The following WSB2 variants were observed in gnomAD, a reference collection of about 807,000 sequenced individuals.
WSB2 encodes the protein WD repeat and SOCS box containing 2, also known as WD repeat and SOCS box-containing protein 2.
Under a neutral mutation model 48.8 loss-of-function variants are expected in WSB2, and 12 were observed. The ratio of observed to expected loss-of-function variants is 0.25; its 90% confidence interval spans 0.16 to 0.40. The LOEUF is 0.40. Among genes scored for constraint, WSB2 ranks in the 10% least tolerant of loss-of-function variants. The probability of loss-of-function intolerance (pLI) is 1.00; values close to 1 mark genes in which losing one functional copy is unlikely to be tolerated. For missense variants in WSB2, 317 were observed against 506.2 expected (o/e 0.63, Z 3.59); for synonymous variants, 191 against 203.1 (o/e 0.94, Z 0.51).
chr12:118,051,152 C>A (rs1225995482), intron 2 of WSB2, among the ~76,000 whole-genome samples: 1 of 151,928 alleles, frequency 6.6e-6, no homozygotes, highest in South Asian at 2.1e-4. Flanking sequence ...CTTCATACCA[C>A]TAGGATGGCT....
rs2032056050 is a variant in WSB2, at chr12:118,061,092, C to CCCCCCGGGCCGCGGGCCCTCATGCCG, written c.-70_-45dup. ...CCGCGGCAGGCGGCGGGCGCCTCAG[C>CCCCCCGGGCCGCGGGCCCTCATGCCG]CCCCCGGGCCGCGGGCCCTCATGCC... On this transcript the variant is annotated 5_prime_UTR_variant, in exon 1 of 9. In the 5' UTR this introduces an upstream ATG that the reference lacks. Coordinates refer to ENST00000315436, the MANE Select transcript of WSB2 (RefSeq NM_018639.5). The CCCCCCGGGCCGCGGGCCCTCATGCCG allele has an allele frequency of 1.0e-6, 1 of 980,486 alleles. No homozygotes were observed. The highest frequency in any genetic ancestry group is 1.2e-6 in the Non-Finnish European group (1 of 827,974). The allele number at this position is 980,486 out of a possible 1,614,324, so 60.7% of individuals were successfully genotyped here. A position where few individuals can be genotyped will look rare whatever the true frequency, so the allele number is the denominator to read the frequency against.
chr12:118,056,279 C>T (rs1291260182), intron 1 of WSB2, among the ~76,000 whole-genome samples: 5 of 152,162 alleles, frequency 3.3e-5, no homozygotes, highest in African/African-American at 1.2e-4. Context: ...TAGTTCTGAC[C>T]CTAGGCCTTT....
chr12:118,051,257 T>A (rs1429199666), intron 2 of WSB2, among the ~76,000 whole-genome samples: 1 of 152,112 alleles, frequency 6.6e-6, no homozygotes, highest in Non-Finnish European at 1.5e-5. Context: ...AGTAAAATGG[T>A]GCAGCCACTC....
intron 4 of WSB2, among the ~76,000 whole-genome samples, chr12:118,042,134 G>T (rs1033486394): frequency 6.6e-6 from 1 of 152,178 alleles, no homozygotes; most frequent in African/African-American, 2.4e-5. Flanking sequence ...TATATAGTTT[G>T]CTCGAGGCAG....
chr12:118,043,036 C>CA, intron 3 of WSB2, 64 bp from the exon 4 acceptor site: 2 of 1,613,486 alleles, frequency 1.2e-6, no homozygotes, highest in South Asian at 2.2e-5. Flanking sequence ...CTGCCACGGC[C>CA]ACACCCCTTG....
chr12:118,046,416 T>C (rs2031747009), intron 2 of WSB2, among the ~76,000 whole-genome samples: 1 of 150,282 alleles, frequency 6.7e-6, no homozygotes, highest in Admixed American at 6.7e-5. Context: ...TGAACCGAGG[T>C]TGCACCACTG....
intron 1 of WSB2, chr12:118,052,754 T>C: frequency 3.9e-6 from 2 of 510,614 alleles, no homozygotes; most frequent in Non-Finnish European, 3.5e-6. Context: ...CTATGAATAC[T>C]TGAAGGGGAG....
chr12:118,059,505 A>G (rs907406607), intron 1 of WSB2, among the ~76,000 whole-genome samples: 19 of 152,330 alleles, frequency 1.2e-4, no homozygotes, highest in African/African-American at 4.6e-4. Flanking sequence ...TTCCTTTACA[A>G]TGGGCTTTAT....
chr12:118,052,168 C>T (rs898246303), intron 2 of WSB2, 142 bp downstream of exon 2: 1 of 1,230,448 alleles, frequency 8.1e-7, no homozygotes, highest in African/African-American at 1.5e-5. Flanking sequence ...ATATACAGAA[C>T]TTGGGGCTCT....
intron 8 of WSB2, chr12:118,034,572 G>GCTCTCTCTCTCT: frequency 4.4e-6 from 2 of 453,674 alleles, no homozygotes; most frequent in African/African-American, 2.6e-5. Flanking sequence ...TGATACCAAA[G>GCTCTCTCTCTCT]CGCTCTCTCT....
intron 2 of WSB2, among the ~76,000 whole-genome samples, chr12:118,047,827 A>T (rs2031774283): frequency 6.6e-6 from 1 of 152,226 alleles, no homozygotes; most frequent in Non-Finnish European, 1.5e-5. Flanking sequence ...TAATCCTAAC[A>T]CCACCATTCT....
At chr12:118,056,331 G>A (rs2137799100) in intron 1 of WSB2, among the ~76,000 whole-genome samples, 1 of 152,192 alleles carries the variant, frequency 6.6e-6, no homozygotes, top group African/African-American at 2.4e-5. Flanking sequence ...CTCCTCGGCT[G>A]GCATCTACTC....
intron 2 of WSB2, among the ~76,000 whole-genome samples, chr12:118,046,508 G>T (rs1368890674): frequency 3.5e-4 from 53 of 151,742 alleles, no homozygotes; most frequent in Non-Finnish European, 4.4e-5. Context: ...GTCAACCTCT[G>T]GGTCTAAATC....
intron 4 of WSB2, 144 bp from the exon 5 acceptor site, chr12:118,038,532 T>A: frequency 1.6e-6 from 1 of 640,160 alleles, no homozygotes; most frequent in Non-Finnish European, 2.7e-6. Context: ...AATTTTTAAT[T>A]CAGAGTAAGA....
chr12:118,061,871 G>A (rs2032076636), upstream of WSB2, among the ~76,000 whole-genome samples: 1 of 149,346 alleles, frequency 6.7e-6, no homozygotes, highest in African/African-American at 2.5e-5. Context: ...TGGAAGGAAG[G>A]TGTAATAACC....
chr12:118,053,960 A>G (rs1349321147), intron 1 of WSB2, among the ~76,000 whole-genome samples: 1 of 152,154 alleles, frequency 6.6e-6, no homozygotes, highest in African/African-American at 2.4e-5. Context: ...TCTTATAATC[A>G]ATGACTTTTC....
At position 118,035,052 on chromosome 12, in the gene WSB2, G is replaced by A. The variant is rs1380046425; in HGVS notation, c.986C>T (p.Ala329Val). ...AAGCCCATTGGTCATAGGAGCAAAT[G>A]CAATGGGAGTTTTCAGTTCCAGGGC... ...IWALELKTPI[A>V]FAPMTNGLCC... The change falls in exon 8 of 9, where the codon GCA (alanine) becomes GTA (valine). Residue 329 changes from alanine (A) to valine (V), a missense_variant. Coordinates refer to ENST00000315436, the MANE Select transcript of WSB2 (RefSeq NM_018639.5). 1 of 1,614,190 alleles carries A rather than the reference G, an allele frequency of 6.2e-7. No homozygotes were observed. The highest frequency in any genetic ancestry group is 8.5e-7 in the Non-Finnish European group (1 of 1,180,046).
intron 2 of WSB2, among the ~76,000 whole-genome samples, chr12:118,051,922 C>A (rs2031860335): frequency 6.6e-6 from 1 of 152,082 alleles, no homozygotes; most frequent in Non-Finnish European, 1.5e-5. Flanking sequence ...TGTAGTGAGC[C>A]AAGATTGCGC....
chr12:118,034,156 G>A lies in WSB2; in HGVS notation c.*40C>T, dbSNP rs759209052. 6 of 1,612,136 alleles carry A rather than the reference G, an allele frequency of 3.7e-6. No individual in the cohort carries two copies. Among genetic ancestry groups the A allele is most frequent in the East Asian group, 2.2e-5 (1 of 44,862 alleles). On this transcript the variant is annotated 3_prime_UTR_variant, in exon 9 of 9. Coordinates refer to ENST00000315436, the MANE Select transcript of WSB2 (RefSeq NM_018639.5). ...TTCCAGCAACTCCCTTTGACAGGAC[G>A]ATTTACCCTGCTACAAAGAAGCACA...
Sources: allele counts gnomAD v4.1 joint callset (sites outside exome capture counted in the v4.1 genomes callset), GRCh38; gene constraint gnomAD v4.1.1; transcripts MANE v1.5; gene names NCBI Gene and HGNC (gene_info 2026-07-23, HGNC 2026-07-21).